The following RCC2 variants were observed in gnomAD, a reference collection of about 807,000 sequenced individuals.
RCC2 encodes regulator of chromosome condensation 2.
A neutral mutation model predicts 64.1 loss-of-function variants in RCC2; 19 were observed. The ratio of observed to expected loss-of-function variants is 0.30; its 90% CI spans 0.21 to 0.44. The LOEUF is 0.44. RCC2 is among the 20% of genes least tolerant of loss of function. RCC2 has a pLI of 1.00. For missense variants in RCC2, 508 were observed against 710.4 expected, an observed-to-expected ratio of 0.72 and a Z score of 3.24; for synonymous variants, 325 against 279.6, an observed-to-expected ratio of 1.16 and a Z score of -1.62.
chr1:17,426,397 C>A (rs917949765), intron 3 of RCC2, among the ~76,000 whole-genome samples: 2 of 152,146 alleles, frequency 1.3e-5, no homozygotes, highest in Non-Finnish European at 2.9e-5. Flanking sequence ...ATATTCGCTT[C>A]CCCTAGAATG....
chr1:17,439,484 GAAAAA>G (rs1056796264), intron 1 of RCC2, 56 bp downstream of exon 1: 1 of 132,354 alleles, frequency 7.6e-6, no homozygotes, highest in Admixed American at 7.6e-5. Flanking sequence ...TTAAAAAAAG[GAAAAA>G]AAAAAAAACT....
rs965510992 is a variant in RCC2 at position 17,409,332 on chromosome 1, C to T, written c.1465-138G>A. Reference sequence around the variant, plus strand: ...TGCCCTTGAAAACTGCAAAAAGCCCCTCTGCCCAAGACAGCTAGTTTCCAT... The same window carrying T: ...TGCCCTTGAAAACTGCAAAAAGCCCTTCTGCCCAAGACAGCTAGTTTCCAT... On this transcript the variant is annotated intron_variant, in intron 12 of 12. Transcript: ENST00000375436. 3 of 650,802 alleles carry T rather than the reference C, an allele frequency of 4.6e-6. No homozygotes were observed. The African/African-American group carries it at 5.4e-5, about 12-fold the overall frequency. The allele number at this position is 650,802 out of a possible 1,614,324, so 40.3% of individuals were successfully genotyped here.
chr1:17,439,184 C>T (rs1180220759), intron 1 of RCC2, among the ~76,000 whole-genome samples: 2 of 152,302 alleles, frequency 1.3e-5, no homozygotes, highest in East Asian at 1.9e-4. Flanking sequence ...CCTGCTCGCA[C>T]AGACACGAAA....
At chr1:17,413,847 T>C (rs1458138069) in intron 8 of RCC2, 130 bp from the exon 9 acceptor site, 2 of 851,300 alleles carry the variant, frequency 2.3e-6, no homozygotes, top group Non-Finnish European at 3.7e-6. Flanking sequence ...CAAGATCCCC[T>C]ACCAGCCGGG....
At chr1:17,438,019 G>A (rs1477716946) in intron 2 of RCC2, among the ~76,000 whole-genome samples, 1 of 146,244 alleles carries the variant, frequency 6.8e-6, no homozygotes, top group African/African-American at 2.5e-5. Flanking sequence ...CGGTGCCCGG[G>A]GTCGGGTAGG....
intron 7 of RCC2, among the ~76,000 whole-genome samples, chr1:17,417,930 T>C (rs1449915445): frequency 6.6e-6 from 1 of 152,136 alleles, no homozygotes; most frequent in Non-Finnish European, 1.5e-5. Context: ...ACAATACAAG[T>C]AAGACCATAC....
intron 11 of RCC2, 136 bp downstream of exon 11, chr1:17,411,986 A>AC (rs1197410986): frequency 1.3e-6 from 1 of 760,084 alleles, no homozygotes; most frequent in East Asian, 2.6e-5. Context: ...TCGTGTTGCA[A>AC]ACCTTAATAC....
At chr1:17,413,389 G>A (rs1022590530) in intron 9 of RCC2, 148 bp downstream of exon 9, 23 of 963,778 alleles carry the variant, frequency 2.4e-5, no homozygotes, top group East Asian at 2.5e-5. Context: ...GTTCGACACC[G>A]GCCTGGACAA....
chr1:17,430,832 G>C (rs949861706), intron 2 of RCC2, among the ~76,000 whole-genome samples: 1 of 151,806 alleles, frequency 6.6e-6, no homozygotes, highest in Non-Finnish European at 1.5e-5. Flanking sequence ...GGGTTCAAAC[G>C]ATTCTCTTGC....
chr1:17,428,956 ATCACTACAGTGG>A, intron 3 of RCC2, 138 bp downstream of exon 3: 1 of 654,392 alleles, frequency 1.5e-6, no homozygotes, highest in Non-Finnish European at 2.8e-6. Flanking sequence ...AATCCAGCTC[ATCACTACAGTGG>A]CTGTGTGGCC....
intron 10 of RCC2, 76 bp downstream of exon 10, chr1:17,412,997 G>A (rs561537979): frequency 1.9e-6 from 2 of 1,077,948 alleles, no homozygotes; most frequent in East Asian, 2.5e-5. Flanking sequence ...CCATCAGGGA[G>A]GGGCACCCCA....
At chr1:17,428,116 C>T (rs186934916) in intron 3 of RCC2, among the ~76,000 whole-genome samples, 1 of 152,372 alleles carries the variant, frequency 6.6e-6, no homozygotes, top group African/African-American at 2.4e-5. Flanking sequence ...ATTTACTGCC[C>T]TTCCCTGGGC....
At chr1:17,409,804 C>A (rs1291805382) in intron 12 of RCC2, among the ~76,000 whole-genome samples, 170 bp downstream of exon 12, 2 of 152,220 alleles carry the variant, frequency 1.3e-5, no homozygotes, top group African/African-American at 4.8e-5. Flanking sequence ...GCACTCTCTC[C>A]TGCAGAATGA....
intron 6 of RCC2, among the ~76,000 whole-genome samples, chr1:17,421,935 G>A (rs533873325): frequency 3.0e-4 from 46 of 152,136 alleles, no homozygotes; most frequent in Admixed American, 7.9e-4. Context: ...TGAGGCCGGG[G>A]AATCACTTGA....
chr1:17,418,322 G>T (rs1244778230), intron 7 of RCC2, among the ~76,000 whole-genome samples: 1 of 149,742 alleles, frequency 6.7e-6, no homozygotes, highest in Non-Finnish European at 1.5e-5. Context: ...GTTCTCTACT[G>T]TTGACATAAT....
rs539576783 is a variant in RCC2 at position 17,425,763 on chromosome 1, C to T, written c.380-79G>A. ...CAAAATGTCACTGGCCACCAAGCAG[C>T]CACTTCCCGAGGGTACCAGGGACAG... On this transcript the variant is annotated intron_variant, in intron 3 of 12. Transcript: ENST00000375436. 43 of 1,460,382 alleles carry T rather than the reference C, an allele frequency of 2.9e-5. 1 individual carries two copies. In the African/African-American group the frequency reaches 5.7e-4, roughly 19 times the overall value. The allele number at this position is 1,460,382 out of a possible 1,614,324, so 90.5% of individuals were successfully genotyped here.
intron 3 of RCC2, among the ~76,000 whole-genome samples, chr1:17,427,700 C>T (rs755030398): frequency 2.0e-5 from 3 of 152,036 alleles, no homozygotes; most frequent in Non-Finnish European, 2.9e-5. Flanking sequence ...CTCAGGTGGT[C>T]AGATGCTCCT....
intron 2 of RCC2, among the ~76,000 whole-genome samples, chr1:17,437,521 C>G (rs1450233145): frequency 6.6e-6 from 1 of 152,188 alleles, no homozygotes; most frequent in Non-Finnish European, 1.5e-5. Context: ...AAAACAGAAG[C>G]CCGCCCAGGA....
intron 7 of RCC2, among the ~76,000 whole-genome samples, chr1:17,418,919 T>C (rs543915734): frequency 6.6e-6 from 1 of 152,298 alleles, no homozygotes; most frequent in South Asian, 2.1e-4. Flanking sequence ...AGGAGGCACA[T>C]TTGGTGACTG....
Sources: gnomAD v4.1 joint callset for allele counts (sites outside exome capture counted in the v4.1 genomes callset) on GRCh38, gnomAD v4.1.1 for gene constraint, MANE v1.5 for transcripts, NCBI Gene and HGNC (gene_info 2026-07-23, HGNC 2026-07-21) for gene names.